Variants in TAF12 observed in about 807,000 individuals in gnomAD.
The protein encoded by TAF12 is transcription initiation factor TFIID subunit 12.
A neutral mutation model predicts 20.8 loss-of-function variants in TAF12; 3 were observed. The ratio of observed to expected loss-of-function variants is 0.14; its 90% confidence interval spans 0.07 to 0.37. The LOEUF (loss-of-function observed/expected upper bound fraction) is 0.37, where lower values mean the gene tolerates loss of function less well. Ranked by LOEUF, TAF12 falls within the 10% of genes least tolerant of loss-of-function variation. The pLI, the probability that TAF12 is intolerant of heterozygous loss-of-function variation, is 1.00. For synonymous variants in TAF12, 69 were observed against 70.2 expected, an observed-to-expected ratio of 0.98 and a Z score of 0.09; for missense variants, 131 against 197.9, an observed-to-expected ratio of 0.66 and a Z score of 2.03.
At chr1:28,621,019 TTTA>T (rs1263017181) in intron 2 of TAF12, among the ~76,000 whole-genome samples, 1 of 152,174 alleles carries the variant, frequency 6.6e-6, no homozygotes, top group Non-Finnish European at 1.5e-5. Flanking sequence ...ACACACTATT[TTTA>T]TTATGTTACT....
chr1:28,639,251 A>G (rs1667954669), intron 1 of TAF12, among the ~76,000 whole-genome samples: 1 of 151,528 alleles, frequency 6.6e-6, no homozygotes, highest in Non-Finnish European at 1.5e-5. Context: ...ACCCGTCTCT[A>G]CTAAAAATAC....
At chr1:28,619,583 T>C (rs966246925) in intron 2 of TAF12, among the ~76,000 whole-genome samples, 1 of 149,836 alleles carries the variant, frequency 6.7e-6, no homozygotes, top group Non-Finnish European at 1.5e-5. Context: ...CAGTGCCCAT[T>C]TGAGTCTCTT....
chr1:28,638,361 G>A (rs1166363743), intron 1 of TAF12, among the ~76,000 whole-genome samples: 1 of 151,652 alleles, frequency 6.6e-6, no homozygotes. Flanking sequence ...AGCTAATTTT[G>A]TATTTTTAGT....
chr1:28,610,173 T>C (rs1454247762), intron 4 of TAF12, among the ~76,000 whole-genome samples: 1 of 151,954 alleles, frequency 6.6e-6, no homozygotes, highest in Non-Finnish European at 1.5e-5. Flanking sequence ...AGACAGGGTT[T>C]CACCATCTTG....
chr1:28,610,623 T>G (rs1570298312), intron 4 of TAF12, among the ~76,000 whole-genome samples: 1 of 151,242 alleles, frequency 6.6e-6, no homozygotes, highest in African/African-American at 2.4e-5. Context: ...CCACTAGTGG[T>G]GGTTGTAAAA....
chr1:28,639,010 C>T (rs575935470), intron 1 of TAF12, among the ~76,000 whole-genome samples: 6 of 150,354 alleles, frequency 4.0e-5, no homozygotes, highest in Non-Finnish European at 5.9e-5. Flanking sequence ...CTCCTGACCT[C>T]GTGATCCGCC....
chr1:28,603,647 G>T, intron 5 of TAF12, 73 bp from the exon 6 acceptor site: 1 of 1,517,296 alleles, frequency 6.6e-7, no homozygotes. Context: ...ATTCTGTGTG[G>T]CTAGCAGGCC....
intron 4 of TAF12, among the ~76,000 whole-genome samples, chr1:28,607,761 GC>G (rs1162230883): frequency 1.3e-5 from 2 of 151,920 alleles, no homozygotes; most frequent in African/African-American, 4.8e-5. Context: ...GATCACTTGA[GC>G]CCAGGAGGTA....
At chr1:28,644,979 C>T (rs371769415), upstream of TAF12, among the ~76,000 whole-genome samples, 2 of 152,266 alleles carry the variant, frequency 1.3e-5, no homozygotes, top group Non-Finnish European at 1.5e-5. Context: ...TCACTACAGC[C>T]TCAAACTCCT....
At chr1:28,605,490 A>C in intron 4 of TAF12, 30 bp from the exon 5 acceptor site, 1 of 1,610,576 alleles carries the variant, frequency 6.2e-7, no homozygotes, top group South Asian at 1.1e-5. Flanking sequence ...ACAGAGATAA[A>C]CGTACCAAGA....
chr1:28,617,453 C>CTT (rs1332175123), intron 3 of TAF12, among the ~76,000 whole-genome samples: 3 of 141,994 alleles, frequency 2.1e-5, no homozygotes, highest in Non-Finnish European at 3.1e-5. Context: ...AATTTTTTTT[C>CTT]TTTTTTTTTT....
chr1:28,642,147 G>A (rs1403921728), intron 1 of TAF12, among the ~76,000 whole-genome samples: 1 of 152,136 alleles, frequency 6.6e-6, no homozygotes, highest in Non-Finnish European at 1.5e-5. Flanking sequence ...CTTCACATCT[G>A]ATTCCCAAGA....
chr1:28,635,755 G>A (rs924919862), intron 1 of TAF12, among the ~76,000 whole-genome samples: 7 of 151,868 alleles, frequency 4.6e-5, no homozygotes, highest in Non-Finnish European at 1.0e-4. Context: ...TAGGAATTAA[G>A]GAGACCTTGG....
intron 4 of TAF12, among the ~76,000 whole-genome samples, chr1:28,607,309 A>C (rs1228562396): frequency 6.6e-6 from 1 of 152,156 alleles, no homozygotes; most frequent in Non-Finnish European, 1.5e-5. Flanking sequence ...AGACGGGAAG[A>C]CTGCTTGAGC....
chr1:28,623,663 A>T (rs1218773926), intron 1 of TAF12, among the ~76,000 whole-genome samples: 1 of 152,348 alleles, frequency 6.6e-6, no homozygotes, highest in East Asian at 1.9e-4. Flanking sequence ...TTAAGAATAC[A>T]GACTAGTTCA....
chr1:28,631,278 T>C (rs1169329718), intron 1 of TAF12, among the ~76,000 whole-genome samples: 1 of 151,798 alleles, frequency 6.6e-6, no homozygotes, highest in Admixed American at 6.6e-5. Flanking sequence ...TCCCAGCCCT[T>C]TGGGAGGCCG....
intron 1 of TAF12, among the ~76,000 whole-genome samples, chr1:28,628,933 G>A (rs1451046880): frequency 2.0e-5 from 3 of 152,194 alleles, no homozygotes; most frequent in African/African-American, 2.4e-5. Flanking sequence ...TTAACCAGGC[G>A]CGTTGGCGGG....
upstream of TAF12, among the ~76,000 whole-genome samples, chr1:28,644,128 A>G (rs1328161241): frequency 2.0e-5 from 3 of 152,142 alleles, no homozygotes; most frequent in Non-Finnish European, 2.9e-5. Context: ...ACCCAATTCC[A>G]GCATCTGTAA....
At chr1:28,607,343 G>C (rs1666699390) in intron 4 of TAF12, among the ~76,000 whole-genome samples, 1 of 151,744 alleles carries the variant, frequency 6.6e-6, no homozygotes, top group South Asian at 2.1e-4. Flanking sequence ...ACCAGTGTAG[G>C]CATAATAGTG....
Sources: gnomAD v4.1 joint callset for allele counts (sites outside exome capture counted in the v4.1 genomes callset) on GRCh38, gnomAD v4.1.1 for gene constraint, MANE v1.5 for transcripts, NCBI Gene and HGNC (gene_info 2026-07-23, HGNC 2026-07-21) for gene names.